SNW1: variants seen among roughly 807,000 people sequenced by gnomAD.
The protein encoded by SNW1 is SNW domain containing 1.
Under a neutral mutation model 75.6 loss-of-function variants are expected in SNW1, and 9 were observed. The observed-to-expected ratio is 0.12, with a 90% CI of 0.07 to 0.21. The LOEUF (loss-of-function observed/expected upper bound fraction) is 0.21. Among genes scored for constraint, SNW1 ranks in the 10% least tolerant of loss-of-function variants. The pLI, the probability that SNW1 is intolerant of heterozygous loss-of-function variation, is 1.00. For synonymous variants in SNW1, 200 were observed against 219.1 expected (o/e 0.91, Z 0.77); for missense variants, 409 against 670.9 (o/e 0.61, Z 4.31).
chr14:77,732,637 A>G (rs1229206590), intron 8 of SNW1, 36 bp from the exon 9 acceptor site: 2 of 1,107,230 alleles, frequency 1.8e-6, no homozygotes, highest in Non-Finnish European at 2.7e-6. Context: ...CAGTCACAGA[A>G]GTGCTTCAAT....
intron 10 of SNW1, among the ~76,000 whole-genome samples, chr14:77,730,485 T>C (rs1397023391): frequency 1.3e-5 from 2 of 152,172 alleles, no homozygotes; most frequent in Non-Finnish European, 1.5e-5. Context: ...ACAAAATTTC[T>C]TGAATTATAC....
intron 3 of SNW1, among the ~76,000 whole-genome samples, chr14:77,740,091 G>A (rs1488901328): frequency 2.8e-5 from 4 of 140,990 alleles, no homozygotes; most frequent in South Asian, 4.5e-4. Flanking sequence ...CCAAGATTGC[G>A]TCACTGCACT....
Position 77,755,217 on chromosome 14 carries a change from C to T in SNW1, c.15-97G>A, listed in dbSNP as rs913017794. ...CACAGAGACAATTTTTCCTACGATG[C>T]TTTTACTTTTCAGAAAAAGAGCAGA... On this transcript the variant is annotated intron_variant, in intron 1 of 13. Coordinates refer to ENST00000261531, the MANE Select transcript of SNW1 (RefSeq NM_012245.3). 1.5e-5 allele frequency: 16 copies of T among 1,078,860 alleles called. No individual in the cohort carries two copies. The African/African-American group carries it at 1.9e-4, about 13-fold the overall frequency. The allele number at this position is 1,078,860 out of a possible 1,614,324, so 66.8% of individuals were successfully genotyped here. A position where few individuals can be genotyped will look rare whatever the true frequency, so the allele number is the denominator to read the frequency against.
At chr14:77,760,366 G>C (rs1333508250) in intron 1 of SNW1, among the ~76,000 whole-genome samples, 6 of 152,120 alleles carry the variant, frequency 3.9e-5, no homozygotes, top group Admixed American at 2.6e-4. Flanking sequence ...TGTTGAGTTC[G>C]CATGGAAAGT....
chr14:77,753,570 A>G (rs550922853), intron 2 of SNW1, among the ~76,000 whole-genome samples: 19 of 152,318 alleles, frequency 1.2e-4, no homozygotes, highest in African/African-American at 4.1e-4. Context: ...AAAGCTGACA[A>G]AAAAGCAACA....
intron 10 of SNW1, among the ~76,000 whole-genome samples, chr14:77,728,782 A>G (rs547889878): frequency 1.3e-5 from 2 of 152,354 alleles, no homozygotes; most frequent in South Asian, 2.1e-4. Context: ...AAACAGTCAC[A>G]ATAATAGTAT....
chr14:77,742,166 G>T (rs2080724341), intron 3 of SNW1, among the ~76,000 whole-genome samples: 1 of 151,956 alleles, frequency 6.6e-6, no homozygotes, highest in Non-Finnish European at 1.5e-5. Context: ...CTCCCAAGTT[G>T]CTGGGATTAC....
chr14:77,752,973 CA>C (rs2080819698), intron 2 of SNW1, among the ~76,000 whole-genome samples: 1 of 151,724 alleles, frequency 6.6e-6, no homozygotes, highest in Non-Finnish European at 1.5e-5. Flanking sequence ...CAATCTGACA[CA>C]TGCTTGGATT....
chr14:77,736,902 A>G, intron 6 of SNW1, 69 bp downstream of exon 6: 1 of 1,171,414 alleles, frequency 8.5e-7, no homozygotes, highest in Non-Finnish European at 1.3e-6. Flanking sequence ...GGCTTCTTTC[A>G]CTCAGCATAT....
chr14:77,733,277 T>C (rs761239875), intron 8 of SNW1, among the ~76,000 whole-genome samples: 4 of 152,152 alleles, frequency 2.6e-5, no homozygotes, highest in Non-Finnish European at 5.9e-5. Context: ...GTGTTAATAA[T>C]TGTCGATTTT....
intron 10 of SNW1, among the ~76,000 whole-genome samples, chr14:77,726,241 CAAT>C (rs2080583750): frequency 6.6e-6 from 1 of 152,174 alleles, no homozygotes; most frequent in Non-Finnish European, 1.5e-5. Context: ...AACATTTTAA[CAAT>C]AATAATTTTT....
At chr14:77,752,418 A>G (rs1289649034) in intron 2 of SNW1, among the ~76,000 whole-genome samples, 1 of 152,248 alleles carries the variant, frequency 6.6e-6, no homozygotes, top group Non-Finnish European at 1.5e-5. Flanking sequence ...ATGAGGATCA[A>G]GTATAATTTT....
At chr14:77,734,652 C>T (rs1311905062) in intron 8 of SNW1, among the ~76,000 whole-genome samples, 2 of 152,086 alleles carry the variant, frequency 1.3e-5, no homozygotes, top group South Asian at 2.1e-4. Context: ...GCAGGGCAAT[C>T]GCTTCAACCT....
At chr14:77,757,919 C>CTATCT (rs2080853703) in intron 1 of SNW1, among the ~76,000 whole-genome samples, 1 of 147,574 alleles carries the variant, frequency 6.8e-6, no homozygotes, top group Non-Finnish European at 1.5e-5. Flanking sequence ...TCAATCTAAT[C>CTATCT]ATCTATCTAT....
rs140709281 is a variant in SNW1, at chr14:77,724,381, T to A, written c.1034-1104A>T. 1.0e-2 allele frequency among the ~76,000 whole-genome samples: 1,521 copies of A among 152,260 alleles called. 34 individuals are homozygous for A. Among genetic ancestry groups the A allele is most frequent in the African/African-American group, 0.035 (1,456 of 41,522 alleles). On this transcript the variant is annotated intron_variant, in intron 10 of 13. Transcript: ENST00000261531. ...ACAATAAATTATCATTAACTATTCT[T>A]CTCTTCTAGCTATTTTGCAATATAC...
At chr14:77,744,905 C>T (rs1204150358) in intron 3 of SNW1, among the ~76,000 whole-genome samples, 1 of 152,120 alleles carries the variant, frequency 6.6e-6, no homozygotes, top group Non-Finnish European at 1.5e-5. Context: ...TATATGTTCT[C>T]CATGTATAGG....
chr14:77,737,639 G>A (rs1478270578), intron 5 of SNW1, among the ~76,000 whole-genome samples: 2 of 152,066 alleles, frequency 1.3e-5, no homozygotes, highest in African/African-American at 4.8e-5. Flanking sequence ...TAATAATTGT[G>A]ATTTAGGTCA....
chr14:77,744,446 C>CAAAAAAAAAAA (rs11335115), intron 3 of SNW1, among the ~76,000 whole-genome samples: 10 of 82,926 alleles, frequency 1.2e-4, no homozygotes, highest in African/African-American at 2.0e-4. Flanking sequence ...GTCTCCATCT[C>CAAAAAAAAAAA]AAAAAAAAAA....
At chr14:77,731,327 G>C (rs1380907629) in intron 9 of SNW1, among the ~76,000 whole-genome samples, 198 bp from the exon 10 acceptor site, 35 of 152,170 alleles carry the variant, frequency 2.3e-4, no homozygotes, top group Admixed American at 2.3e-3. Flanking sequence ...TTTTCTCTGG[G>C]AATATTTTAG....
Sources: allele counts gnomAD v4.1 joint callset (sites outside exome capture counted in the v4.1 genomes callset), GRCh38; gene constraint gnomAD v4.1.1; transcripts MANE v1.5; gene names NCBI Gene and HGNC (gene_info 2026-07-23, HGNC 2026-07-21).